Variants in IL25 observed in about 807,000 individuals in gnomAD.
The protein encoded by IL25 is interleukin 25.
In IL25, 10 loss-of-function variants were observed where a neutral mutation model predicts 13.2. The ratio of observed to expected loss-of-function variants is 0.76; its 90% CI spans 0.47 to 1.29. The LOEUF is 1.29. IL25 is among the 50% of genes most tolerant of loss of function. IL25 has a pLI of 0.00. For missense variants in IL25, 235 were observed against 232.4 expected (o/e 1.01, Z -0.07); for synonymous variants, 107 against 92.1 (o/e 1.16, Z -0.93).
chr14:23,375,883 G>C (rs201592081), exon 2 of IL25: 6 of 1,612,562 alleles, frequency 3.7e-6, no homozygotes, highest in Non-Finnish European at 5.1e-6. Context: ...TGGGCTAGCC[G>C]GACCTGCTGG....
exon 1 of IL25, chr14:23,372,917 G>C (rs757942668): frequency 6.3e-7 from 1 of 1,582,706 alleles, no homozygotes; most frequent in African/African-American, 1.3e-5. Flanking sequence ...CTGCTTCCAC[G>C]AGGCCTGTCA....
At chr14:23,375,932 C>A in exon 2 of IL25, 2 of 1,589,726 alleles carry the variant, frequency 1.3e-6, no homozygotes, top group African/African-American at 1.3e-5. Flanking sequence ...GCCAGGTGTA[C>A]AACCACTTGC....
intron 1 of IL25, among the ~76,000 whole-genome samples, chr14:23,374,268 C>T (rs996119902): frequency 2.0e-5 from 3 of 152,050 alleles, no homozygotes; most frequent in Admixed American, 6.6e-5. Context: ...TTAGGGGAGG[C>T]GGGTGCCAGA....
intron 1 of IL25, among the ~76,000 whole-genome samples, chr14:23,373,726 C>T (rs527252175): frequency 2.0e-5 from 3 of 152,156 alleles, no homozygotes; most frequent in Admixed American, 1.3e-4. Flanking sequence ...TAAAACATCC[C>T]TATAATGGCC....
intron 1 of IL25, 75 bp from the exon 3 acceptor site, chr14:23,375,550 T>C: frequency 3.2e-6 from 5 of 1,545,772 alleles, no homozygotes; most frequent in Non-Finnish European, 4.4e-6. Flanking sequence ...TTCCTTCTTC[T>C]GGCACTCCCA....
exon 1 of IL25, chr14:23,373,218 A>G (rs1163774418): frequency 6.2e-7 from 1 of 1,614,228 alleles, no homozygotes; most frequent in East Asian, 2.2e-5. Flanking sequence ...CCACACCTAC[A>G]GCCACTGGCC....
exon 2 of IL25, chr14:23,375,883 G>T (rs201592081): frequency 6.2e-7 from 1 of 1,612,678 alleles, no homozygotes; most frequent in Admixed American, 1.7e-5. Context: ...TGGGCTAGCC[G>T]GACCTGCTGG....
At chr14:23,373,342 G>C in exon 1 of IL25, 2 of 1,614,022 alleles carry the variant, frequency 1.2e-6, no homozygotes, top group Non-Finnish European at 1.7e-6. Context: ...GAGTCCTGTA[G>C]GGCCAGTGAA....
exon 2 of IL25, chr14:23,375,882 C>G: frequency 6.2e-7 from 1 of 1,612,822 alleles, no homozygotes; most frequent in Non-Finnish European, 8.5e-7. Flanking sequence ...ATGGGCTAGC[C>G]GGACCTGCTG....
At chr14:23,373,084 G>A in exon 1 of IL25, 1 of 1,613,942 alleles carries the variant, frequency 6.2e-7, no homozygotes, top group East Asian at 2.2e-5. Flanking sequence ...GGGCCAAGTG[G>A]AGTGAGAAAC....
chr14:23,375,705 C>T, exon 2 of IL25: 1 of 1,614,230 alleles, frequency 6.2e-7, no homozygotes. Flanking sequence ...AGCCTACAGA[C>T]AGGCTCCCAC....
Position 23,373,138 on chromosome 14 carries a change from T to A in IL25, c.20T>A (p.Leu7Ter), listed in dbSNP as rs1890457453. Residue 7 changes from leucine to a stop codon, truncating the protein, a stop_gained, in exon 1 of 2, where the codon TTA becomes TAA. Coordinates refer to ENST00000329715, the Ensembl canonical transcript of IL25. LOFTEE classifies it high-confidence loss of function. ...GTGCAGATGAGGGAGCGACCCAGATTAGGTGAGGACAGTTCTCTCATTAGC... is the reference window on the plus strand; with the variant it reads ...GTGCAGATGAGGGAGCGACCCAGATAAGGTGAGGACAGTTCTCTCATTAGC... 1 of 1,613,994 alleles carries A rather than the reference T, an allele frequency of 6.2e-7. No homozygotes were observed. Among genetic ancestry groups the A allele is most frequent in the African/African-American group, 1.3e-5 (1 of 74,902 alleles).
exon 2 of IL25, chr14:23,375,930 T>G (rs377574940): frequency 7.0e-5 from 111 of 1,591,732 alleles, no homozygotes; most frequent in Non-Finnish European, 4.3e-6. Flanking sequence ...GAGCCAGGTG[T>G]ACAACCACTT....
intron 1 of IL25, 103 bp from the exon 3 acceptor site, chr14:23,375,522 A>T: frequency 7.1e-7 from 1 of 1,399,052 alleles, no homozygotes; most frequent in Admixed American, 2.1e-5. Context: ...CAAGAGGCCA[A>T]GGCCCCAGAC....
At chr14:23,374,302 C>T (rs1269505710) in intron 1 of IL25, among the ~76,000 whole-genome samples, 1 of 152,156 alleles carries the variant, frequency 6.6e-6, no homozygotes, top group African/African-American at 2.4e-5. Context: ...GTCTTCCAGA[C>T]CCCTTGCTGG....
At position 23,373,260 on chromosome 14, in the gene IL25, TCTGAGGAGCTG is replaced by T; in HGVS notation, c.149_159del (p.Glu50ValfsTer13). ...CTGCCCCAGCAAAGGGCAGGACACC[TCTGAGGAGCTG>T]CTGAGGTGGAGCACTGTGCCTGTGC... On this transcript the variant is annotated frameshift_variant, in exon 1 of 2. Transcript: ENST00000329715. LOFTEE classifies it high-confidence loss of function. The T allele has an allele frequency of 6.2e-7, 1 of 1,614,144 alleles. No homozygotes were observed. Among genetic ancestry groups the T allele is most frequent in the Non-Finnish European group, 8.5e-7 (1 of 1,180,022 alleles).
exon 2 of IL25, chr14:23,376,111 T>A: frequency 1.7e-6 from 1 of 573,096 alleles, no homozygotes; most frequent in Non-Finnish European, 3.0e-6. Context: ...TCATTTTCTC[T>A]CAGGAAAGGT....
chr14:23,373,454 G>C (rs1890468477), intron 1 of IL25, 58 bp downstream of exon 2: 1 of 1,452,722 alleles, frequency 6.9e-7, no homozygotes, highest in Admixed American at 1.9e-5. Context: ...GGGTATGCGT[G>C]AGGGACCAGG....
intron 1 of IL25, among the ~76,000 whole-genome samples, 168 bp from the exon 3 acceptor site, chr14:23,375,457 A>G (rs918353445): frequency 1.8e-4 from 28 of 152,120 alleles, no homozygotes; most frequent in Middle Eastern, 3.2e-3. Flanking sequence ...AAAATTTAAT[A>G]AAGGAGGGAG....
Sources: gnomAD v4.1 joint callset for allele counts (sites outside exome capture counted in the v4.1 genomes callset) on GRCh38, gnomAD v4.1.1 for gene constraint, MANE v1.5 for transcripts, NCBI Gene and HGNC (gene_info 2026-07-23, HGNC 2026-07-21) for gene names.